Variants in THSD7B observed in about 807,000 individuals in gnomAD.
THSD7B encodes thrombospondin type 1 domain containing 7B, also known as thrombospondin type-1 domain-containing protein 7B.
Under a neutral mutation model 213.6 loss-of-function variants are expected in THSD7B, and 138 were observed. The ratio of observed to expected loss-of-function variants is 0.65; its 90% CI spans 0.56 to 0.74. The LOEUF is 0.74. Among genes scored for constraint, THSD7B ranks in the 30% least tolerant of loss-of-function variants. THSD7B has a pLI of 0.00. For missense variants in THSD7B, 1,931 were observed against 1,991.5 expected (o/e 0.97, Z 0.58); for synonymous variants, 742 against 687.0 (o/e 1.08, Z -1.25).
At chr2:137,606,729 T>C (rs935778312) in intron 17 of THSD7B, among the ~76,000 whole-genome samples, 1 of 152,000 alleles carries the variant, frequency 6.6e-6, no homozygotes, top group Non-Finnish European at 1.5e-5. Flanking sequence ...CGACTTTAAA[T>C]TTGGTTCTTG....
chr2:137,619,965 C>A (rs1682486240), intron 19 of THSD7B, among the ~76,000 whole-genome samples: 1 of 152,078 alleles, frequency 6.6e-6, no homozygotes, highest in African/African-American at 2.4e-5. Flanking sequence ...ATTCCTAGAG[C>A]AGAATTTTTT....
At chr2:137,164,780 A>G (rs563067102) in intron 6 of THSD7B, among the ~76,000 whole-genome samples, 1 of 152,208 alleles carries the variant, frequency 6.6e-6, no homozygotes, top group Admixed American at 6.5e-5. Context: ...TATCGCAAGG[A>G]CAAAAAACCA....
In THSD7B at chr2:136,841,674, A is replaced by G. The variant is rs74266367; in HGVS notation, c.-35-40470A>G. On this transcript the variant is annotated intron_variant, in intron 1 of 27. Transcript: ENST00000409968. ...GCAGGAATAGGAGAAATTATTGTTC[A>G]GCGTATTATAACACAAAAAGCTGAT... Among the ~76,000 whole-genome samples, 8 of 151,832 alleles carry G rather than the reference A, an allele frequency of 5.3e-5. No homozygotes were observed. The East Asian group carries it at 1.5e-3, about 29-fold the overall frequency.
chr2:137,087,166 T>A (rs993860052), intron 3 of THSD7B, among the ~76,000 whole-genome samples: 2 of 152,248 alleles, frequency 1.3e-5, no homozygotes, highest in African/African-American at 4.8e-5. Context: ...ATAACAAAAA[T>A]ATTTAAGTAA....
At chr2:137,586,133 T>C (rs1007088915) in intron 17 of THSD7B, among the ~76,000 whole-genome samples, 23 of 152,242 alleles carry the variant, frequency 1.5e-4, no homozygotes, top group South Asian at 6.2e-4. Flanking sequence ...TTAAAGTCTG[T>C]TTTATCAGAG....
intron 2 of THSD7B, among the ~76,000 whole-genome samples, chr2:136,925,608 A>G (rs925522002): frequency 2.4e-4 from 37 of 152,182 alleles, no homozygotes; most frequent in African/African-American, 8.2e-4. Context: ...ATCAATATTC[A>G]TTAAGGATAT....
intron 2 of THSD7B, among the ~76,000 whole-genome samples, chr2:136,924,028 A>T (rs1007678079): frequency 4.6e-5 from 7 of 152,342 alleles, no homozygotes; most frequent in Non-Finnish European, 8.8e-5. Flanking sequence ...AATCATTGCC[A>T]AATCCAGTGT....
intron 10 of THSD7B, among the ~76,000 whole-genome samples, chr2:137,252,266 C>CAAAAAAAA (rs1182130976): frequency 3.4e-5 from 2 of 59,684 alleles, no homozygotes; most frequent in African/African-American, 6.9e-5. Flanking sequence ...GACTCTGTCT[C>CAAAAAAAA]AAAAAAAAAA....
intron 2 of THSD7B, among the ~76,000 whole-genome samples, chr2:136,894,359 G>A (rs559817973): frequency 6.6e-6 from 1 of 152,272 alleles, no homozygotes; most frequent in Non-Finnish European, 1.5e-5. Flanking sequence ...TGATAAAGGA[G>A]CTGACACTAC....
At chr2:137,449,063 A>C (rs1027525372) in intron 14 of THSD7B, among the ~76,000 whole-genome samples, 1 of 152,142 alleles carries the variant, frequency 6.6e-6, no homozygotes, top group Non-Finnish European at 1.5e-5. Flanking sequence ...AGGAGTAATA[A>C]AAGTTATTTT....
intron 2 of THSD7B, among the ~76,000 whole-genome samples, chr2:136,973,102 C>T (rs1176327734): frequency 6.6e-6 from 1 of 152,118 alleles, no homozygotes; most frequent in Non-Finnish European, 1.5e-5. Flanking sequence ...ACACTCCTAC[C>T]ACCATCCTTT....
rs374137865 is a variant in THSD7B, at chr2:137,405,689, C to T, written c.2577C>T (p.Leu859=). Residue 859 remains leucine, a synonymous_variant, in exon 13 of 28, where the codon CTC becomes CTT. Transcript: ENST00000409968. The part of the protein sequence containing the change: ...ECLKQTNGMP[L]LVQECTVPCR... ...TCAAGCAGACAAACGGCATGCCTCT[C>T]CTTGTGCAAGAATGCACAGTCCCAT... is the stretch of plus-strand genomic sequence containing the variant. 15 of 1,613,568 alleles carry T rather than the reference C, an allele frequency of 9.3e-6. No individual in the cohort carries two copies. Among genetic ancestry groups the T allele is most frequent in the African/African-American group, 5.3e-5 (4 of 74,882 alleles).
At chr2:137,630,278 G>A (rs937066441) in intron 20 of THSD7B, among the ~76,000 whole-genome samples, 3 of 152,150 alleles carry the variant, frequency 2.0e-5, no homozygotes, top group Admixed American at 6.6e-5. Context: ...ATAGGCATAA[G>A]CCACCCCACC....
At chr2:137,033,174 C>T (rs1169176574) in intron 2 of THSD7B, among the ~76,000 whole-genome samples, 1 of 152,180 alleles carries the variant, frequency 6.6e-6, no homozygotes, top group Non-Finnish European at 1.5e-5. Flanking sequence ...GTCTACATGC[C>T]AGCCAGGTGG....
chr2:137,066,923 T>C (rs1288428293), intron 3 of THSD7B, among the ~76,000 whole-genome samples: 1 of 152,142 alleles, frequency 6.6e-6, no homozygotes, highest in African/African-American at 2.4e-5. Flanking sequence ...GAAGTTGCTA[T>C]TGACATTTCA....
chr2:137,093,719 T>G (rs986536712), intron 3 of THSD7B, among the ~76,000 whole-genome samples: 7 of 152,212 alleles, frequency 4.6e-5, no homozygotes, highest in African/African-American at 1.4e-4. Context: ...TTACAAATGC[T>G]TTTATGTTGG....
chr2:137,307,760 A>C (rs150050942), intron 12 of THSD7B, among the ~76,000 whole-genome samples: 22 of 152,270 alleles, frequency 1.4e-4, no homozygotes, highest in African/African-American at 5.3e-4. Flanking sequence ...ATGTTGCACA[A>C]GCATAAATTA....
chr2:137,070,723 C>T (rs1687467936), intron 3 of THSD7B, among the ~76,000 whole-genome samples: 1 of 151,998 alleles, frequency 6.6e-6, no homozygotes, highest in Admixed American at 6.6e-5. Context: ...GTCCCCCACC[C>T]CACAACAATC....
chr2:137,668,365 G>A (rs147270057), intron 27 of THSD7B, among the ~76,000 whole-genome samples: 1 of 151,262 alleles, frequency 6.6e-6, no homozygotes, highest in Non-Finnish European at 1.5e-5. Context: ...GAAAGAACCT[G>A]TAAGCACATT....
Sources: allele counts gnomAD v4.1 joint callset (sites outside exome capture counted in the v4.1 genomes callset), GRCh38; gene constraint gnomAD v4.1.1; transcripts MANE v1.5; gene names NCBI Gene and HGNC (gene_info 2026-07-23, HGNC 2026-07-21).